ORC5: variants seen among roughly 807,000 people sequenced by gnomAD.
ORC5 encodes the protein origin recognition complex subunit 5, also known as protein phosphatase 1, regulatory subunit 117.
Under a neutral mutation model 58.8 loss-of-function variants are expected in ORC5, and 39 were observed. The ratio of observed to expected loss-of-function variants is 0.66; its 90% CI spans 0.51 to 0.87. The LOEUF is 0.87. Ranked by LOEUF, ORC5 falls within the 40% of genes least tolerant of loss-of-function variation. The probability of loss-of-function intolerance (pLI) is 0.00; values close to 1 mark genes in which losing one functional copy is unlikely to be tolerated. For synonymous variants in ORC5, 218 were observed against 177.6 expected, an observed-to-expected ratio of 1.23 and a Z score of -1.81; for missense variants, 493 against 506.3, an observed-to-expected ratio of 0.97 and a Z score of 0.25.
intron 1 of ORC5, among the ~76,000 whole-genome samples, chr7:104,204,484 T>C (rs145296675): frequency 2.0e-5 from 3 of 152,328 alleles, no homozygotes; most frequent in African/African-American, 7.2e-5. Flanking sequence ...TTTATATTTT[T>C]ATTATCGTAC....
At chr7:104,142,059 G>C (rs1298051610) in intron 12 of ORC5, among the ~76,000 whole-genome samples, 3 of 151,996 alleles carry the variant, frequency 2.0e-5, no homozygotes, top group African/African-American at 7.3e-5. Flanking sequence ...CAGATCCACA[G>C]AACAGAAAGT....
At chr7:104,189,127 G>A (rs1799615984) in intron 5 of ORC5, among the ~76,000 whole-genome samples, 1 of 152,026 alleles carries the variant, frequency 6.6e-6, no homozygotes, top group Non-Finnish European at 1.5e-5. Context: ...GGTTGTCAGA[G>A]GAACCAACCA....
At chr7:104,153,925 T>C (rs1215822130) in intron 12 of ORC5, among the ~76,000 whole-genome samples, 4 of 152,160 alleles carry the variant, frequency 2.6e-5, no homozygotes, top group Admixed American at 6.6e-5. Flanking sequence ...CTACTTTTTG[T>C]AGAAATATAA....
In ORC5 at chr7:104,151,365, T is replaced by A. The variant is rs76672142; in HGVS notation, c.1149+9707A>T. ...AGGAAGCTACTGATTTAAGGTAATG[T>A]CAGTGAGGGTGGAAAAAAAGGAGAA... On this transcript the variant is annotated intron_variant, in intron 12 of 13. Transcript: ENST00000297431. 3.3e-3 allele frequency among the ~76,000 whole-genome samples: 501 copies of A among 152,188 alleles called. 3 individuals are homozygous for A. Among genetic ancestry groups the A allele is most frequent in the African/African-American group, 0.012 (487 of 41,514 alleles).
chr7:104,195,066 T>A, intron 5 of ORC5, 77 bp downstream of exon 5: 1 of 694,534 alleles, frequency 1.4e-6, no homozygotes, highest in South Asian at 1.8e-5. Flanking sequence ...CCCATTTGAA[T>A]ATGCTAGTTT....
chr7:104,186,400 C>T (rs2115990532), intron 6 of ORC5, among the ~76,000 whole-genome samples: 1 of 152,068 alleles, frequency 6.6e-6, no homozygotes, highest in East Asian at 1.9e-4. Context: ...CCCAAGTATA[C>T]CAAGGGGCAA....
chr7:104,173,956 T>G lies in ORC5; in HGVS notation c.825-5431A>C, dbSNP rs954380278. 4.4e-4 allele frequency among the ~76,000 whole-genome samples: 65 copies of G among 148,348 alleles called. No homozygotes were observed. In the East Asian group the frequency reaches 0.012, roughly 28 times the overall value. Reference sequence around the variant, plus strand: ...GCCTCCCGGGTTCACGCCATTATCCTGCCTCAGCCTCCCAAGTAGCTGGGA... The same window carrying G: ...GCCTCCCGGGTTCACGCCATTATCCGGCCTCAGCCTCCCAAGTAGCTGGGA... On this transcript the variant is annotated intron_variant, in intron 8 of 13. Transcript: ENST00000297431.
chr7:104,158,211 GC>G (rs1304614034), intron 12 of ORC5, among the ~76,000 whole-genome samples: 8 of 152,060 alleles, frequency 5.3e-5, no homozygotes, highest in African/African-American at 1.9e-4. Flanking sequence ...GCACTATCTA[GC>G]ATTCATTTAC....
At position 104,129,165 on chromosome 7, in the gene ORC5, T is replaced by C. The variant is rs1356826497; in HGVS notation, c.1263-2272A>G. Among the ~76,000 whole-genome samples the C allele has an allele frequency of 6.6e-6, 1 of 152,170 alleles. No homozygotes were observed. The highest frequency in any genetic ancestry group is 1.9e-4 in the East Asian group (1 of 5,184). On this transcript the variant is annotated intron_variant, in intron 13 of 13. Transcript: ENST00000297431. The surrounding 1 kb of genome is among the most constrained non-coding windows in gnomAD (Gnocchi z 4.9). ...GAAGAGCACAAATACATGAAAATAT[T>C]GTGATGTCTGTAGGACTTCTCTATT...
intron 11 of ORC5, among the ~76,000 whole-genome samples, chr7:104,162,481 T>G (rs78837236): frequency 0.034 from 5,151 of 152,318 alleles, 142 homozygotes; most frequent in South Asian, 0.11. Context: ...TACTTTATAT[T>G]AGCAATGGCA....
At chr7:104,202,053 G>A (rs1799958163) in intron 2 of ORC5, among the ~76,000 whole-genome samples, 1 of 151,988 alleles carries the variant, frequency 6.6e-6, no homozygotes, top group Non-Finnish European at 1.5e-5. Context: ...TCATAACACT[G>A]CACTCCAACC....
chr7:104,144,115 T>C (rs1313665585), intron 12 of ORC5, among the ~76,000 whole-genome samples: 2 of 151,872 alleles, frequency 1.3e-5, no homozygotes, highest in Non-Finnish European at 2.9e-5. Context: ...CAAGACTCTG[T>C]CTCAAAAATA....
At chr7:104,180,287 C>CT (rs1799406917) in intron 8 of ORC5, among the ~76,000 whole-genome samples, 1 of 152,078 alleles carries the variant, frequency 6.6e-6, no homozygotes, top group African/African-American at 2.4e-5. Context: ...TTTTTCTTTA[C>CT]TTTTTTGGTA....
At chr7:104,165,056 C>A (rs1172864422) in intron 11 of ORC5, among the ~76,000 whole-genome samples, 179 bp downstream of exon 11, 1 of 152,152 alleles carries the variant, frequency 6.6e-6, no homozygotes, top group Non-Finnish European at 1.5e-5. Flanking sequence ...CAGCAGCTCA[C>A]CTAAATGTGC....
In ORC5 at chr7:104,133,628, GC is replaced by G. The variant is rs1227498018; in HGVS notation, c.1262+3152del. 7.2e-5 allele frequency among the ~76,000 whole-genome samples: 11 copies of G among 152,068 alleles called. No homozygotes were observed. Among genetic ancestry groups the G allele is most frequent in the Non-Finnish European group, 1.0e-4 (7 of 68,016 alleles). ...ATAGGTCTGGTCTTTAAAAACAGGG[GC>G]ATTATTAATACACAGATGATTGTTG... On this transcript the variant is annotated intron_variant, in intron 13 of 13. Transcript: ENST00000297431. The surrounding 1 kb of genome is among the most constrained non-coding windows in gnomAD (Gnocchi z 4.7).
chr7:104,175,841 C>G lies in ORC5; in HGVS notation c.825-7316G>C, dbSNP rs117421787. ...GCAAATCAGACCAATAAACAAAAGA[C>G]AGTTTTGTTACTAATTCTAGGATAC... On this transcript the variant is annotated intron_variant, in intron 8 of 13. Coordinates refer to ENST00000297431, the MANE Select transcript of ORC5 (RefSeq NM_002553.4). Among the ~76,000 whole-genome samples the G allele has an allele frequency of 2.6e-3, 391 of 152,310 alleles. 17 individuals carry two copies. In the East Asian group the frequency reaches 0.068, roughly 27 times the overall value.
chr7:104,153,695 T>C (rs898217039), intron 12 of ORC5, among the ~76,000 whole-genome samples: 6 of 152,162 alleles, frequency 3.9e-5, no homozygotes, highest in African/African-American at 9.7e-5. Context: ...TTAGTATCCA[T>C]GGAATTTTAA....
rs560995686 is a variant in ORC5, at chr7:104,134,154, G to T, written c.1262+2627C>A. ...ATTTAGGTGGAGGCTGGGCGCGGTG[G>T]CTCACACCTGTAATCCCAGGCCTTT... On this transcript the variant is annotated intron_variant, in intron 13 of 13. Coordinates refer to ENST00000297431, the MANE Select transcript of ORC5 (RefSeq NM_002553.4). Among the ~76,000 whole-genome samples, 3 of 152,172 alleles carry T rather than the reference G, an allele frequency of 2.0e-5. No individual in the cohort carries two copies. In the South Asian group the frequency reaches 6.2e-4, roughly 32 times the overall value.
At chr7:104,132,997 T>A (rs1194289587) in intron 13 of ORC5, among the ~76,000 whole-genome samples, 3 of 151,910 alleles carry the variant, frequency 2.0e-5, no homozygotes, top group African/African-American at 7.3e-5. Flanking sequence ...ATGGTGAATA[T>A]AAAAAATGGA....
Sources: gnomAD v4.1 joint callset for allele counts (sites outside exome capture counted in the v4.1 genomes callset) on GRCh38, gnomAD v4.1.1 for gene constraint, Gnocchi (gnomAD v3.1) non-coding constraint, MANE v1.5 for transcripts, NCBI Gene and HGNC (gene_info 2026-07-23, HGNC 2026-07-21) for gene names.